Variants in LCTL observed in about 807,000 individuals in gnomAD.
LCTL encodes the protein lactase like.
In LCTL, 76 loss-of-function variants were observed where a neutral mutation model predicts 75.8. That is an observed-to-expected ratio of 1.00 (90% CI 0.83 to 1.21). LCTL has a LOEUF of 1.21. Ranked by LOEUF, LCTL falls within the 50% of genes most tolerant of loss-of-function variation. The pLI is 0.00. For synonymous variants in LCTL, 271 were observed against 268.8 expected (o/e 1.01, Z -0.08); for missense variants, 670 against 712.4 (o/e 0.94, Z 0.68).
At position 66,565,259 on chromosome 15, in the gene LCTL, G is replaced by T. The variant is rs759158270; in HGVS notation, c.107C>A (p.Thr36Asn). 3.1e-6 allele frequency: 5 copies of T among 1,609,228 alleles called. No individual in the cohort carries two copies. The highest frequency in any genetic ancestry group is 2.7e-5 in the African/African-American group (2 of 74,838). The stretch of plus-strand genomic sequence containing the variant: ...AGGCGTGGCCGTACCAAGAGGGAAG[G>T]TTCCATAGTAGAAGGAGGCCTCTTC... The change falls in exon 1 of 13, where the codon ACC (threonine) becomes AAC (asparagine). Residue 36 changes from threonine to asparagine, a missense_variant. Physicochemically the swap from Thr to Asn is moderately conservative, Grantham distance 65 (BLOSUM62 0). Transcript: ENST00000341509.
intron 8 of LCTL, among the ~76,000 whole-genome samples, chr15:66,553,550 T>C (rs1895665827): frequency 6.8e-6 from 1 of 147,268 alleles, no homozygotes; most frequent in Non-Finnish European, 1.5e-5. Flanking sequence ...GGTCAGGAGA[T>C]CGAGACCATC....
At chr15:66,547,817 TTCTC>T (rs1239113186) in exon 13 of LCTL, 1 of 152,136 alleles carries the variant, frequency 6.6e-6, no homozygotes, top group Non-Finnish European at 1.5e-5. Flanking sequence ...AACGGAGTCT[TTCTC>T]TGTTGCACAG....
intron 11 of LCTL, among the ~76,000 whole-genome samples, chr15:66,551,161 A>T (rs1171829688): frequency 6.6e-6 from 1 of 151,806 alleles, no homozygotes. Flanking sequence ...ATTCTGGGCA[A>T]TATGGTGAAA....
Position 66,558,522 on chromosome 15 carries a change from G to A in LCTL, c.706-486C>T, listed in dbSNP as rs948141815. ...GGTCAACACCTAAGAGAGATGGAAAGTAATCTAGAACAGTGATTATCGGTG... is the reference window on the plus strand; with the variant it reads ...GGTCAACACCTAAGAGAGATGGAAAATAATCTAGAACAGTGATTATCGGTG... On this transcript the variant is annotated intron_variant, in intron 6 of 12. Coordinates refer to ENST00000341509, the Ensembl canonical transcript of LCTL. 5.5e-4 allele frequency among the ~76,000 whole-genome samples: 83 copies of A among 152,258 alleles called. 1 individual carries two copies. The highest frequency in any genetic ancestry group is 1.0e-4 in the Non-Finnish European group (7 of 68,030).
chr15:66,564,912 CT>C, intron 1 of LCTL, 73 bp from the exon 3 acceptor site: 1 of 1,447,370 alleles, frequency 6.9e-7, no homozygotes, highest in South Asian at 1.3e-5. Context: ...TGGGCTGTGC[CT>C]CCCAGGCCTC....
chr15:66,552,848 A>G (rs991290566), intron 9 of LCTL, 136 bp downstream of exon 10: 8 of 739,938 alleles, frequency 1.1e-5, no homozygotes, highest in Non-Finnish European at 1.4e-5. Context: ...TAAGGCCTAC[A>G]TTTAGTAGCC....
chr15:66,554,287 T>G (rs1895690505), intron 8 of LCTL, among the ~76,000 whole-genome samples: 1 of 77,672 alleles, frequency 1.3e-5, no homozygotes, highest in Non-Finnish European at 2.3e-5. Context: ...CAAGACTGTC[T>G]CAAAAAAAAA....
intron 8 of LCTL, among the ~76,000 whole-genome samples, chr15:66,556,250 AGT>A (rs1895735801): frequency 6.6e-6 from 1 of 152,212 alleles, no homozygotes; most frequent in African/African-American, 2.4e-5. Context: ...AAGCAACCTA[AGT>A]GTCTATTGAT....
intron 6 of LCTL, among the ~76,000 whole-genome samples, chr15:66,560,197 T>C (rs1895852487): frequency 6.6e-6 from 1 of 152,158 alleles, no homozygotes; most frequent in African/African-American, 2.4e-5. Context: ...AGTTTGGGGA[T>C]CTGGAATGTC....
intron 6 of LCTL, among the ~76,000 whole-genome samples, chr15:66,559,656 C>T (rs1342901280): frequency 2.6e-5 from 4 of 152,084 alleles, no homozygotes; most frequent in Admixed American, 6.5e-5. Context: ...TGCAGTGAGC[C>T]GAGATCGTGC....
At chr15:66,563,647 A>G (rs764549184) in intron 3 of LCTL, 22 bp from the exon 5 acceptor site, 1 of 1,544,650 alleles carries the variant, frequency 6.5e-7, no homozygotes, top group African/African-American at 1.4e-5. Flanking sequence ...ATAAAAGAAG[A>G]TGCTACCAGA....
Position 66,551,714 on chromosome 15 carries a change from ACTGAAGC to A in LCTL, c.1465_1471del (p.Ala489PhefsTer43). The A allele has an allele frequency of 6.2e-7, 1 of 1,614,104 alleles. No individual in the cohort carries two copies. Among genetic ancestry groups the A allele is most frequent in the Non-Finnish European group, 8.5e-7 (1 of 1,180,006 alleles). ...AATGATAATCTTCTTGTAATATTGAACTGAAGCCTTTGGATAGCGAGGCTTATTTCTG... is the reference window on the plus strand; with the variant it reads ...AATGATAATCTTCTTGTAATATTGAACTTTGGATAGCGAGGCTTATTTCTG... On this transcript the variant is annotated frameshift_variant, in exon 11 of 13. Transcript: ENST00000341509. LOFTEE classifies it high-confidence loss of function.
chr15:66,563,477 G>C, intron 4 of LCTL, 39 bp downstream of exon 5: 1 of 1,455,716 alleles, frequency 6.9e-7, no homozygotes, highest in Non-Finnish European at 9.6e-7. Context: ...CTGCTTAGTT[G>C]AGTCCCCTTT....
At chr15:66,551,487 C>T (rs147734587) in intron 11 of LCTL, among the ~76,000 whole-genome samples, 175 bp downstream of exon 12, 112 of 151,392 alleles carry the variant, frequency 7.4e-4, no homozygotes, top group Middle Eastern at 3.4e-3. Context: ...TTGAAGTTTA[C>T]ATCATGCTTG....
intron 1 of LCTL, 113 bp downstream of exon 2, chr15:66,565,135 G>A: frequency 1.3e-6 from 1 of 785,128 alleles, no homozygotes; most frequent in Non-Finnish European, 2.2e-6. Flanking sequence ...CACAAAGGTA[G>A]GTTTCTCATC....
chr15:66,555,056 A>G (rs1895708900), intron 8 of LCTL, among the ~76,000 whole-genome samples: 1 of 152,202 alleles, frequency 6.6e-6, no homozygotes, highest in African/African-American at 2.4e-5. Context: ...AAATATAACC[A>G]TAAGAATAGT....
chr15:66,560,751 G>A (rs1177389336), intron 6 of LCTL, among the ~76,000 whole-genome samples: 1 of 152,192 alleles, frequency 6.6e-6, no homozygotes. Context: ...TGGACCTGTA[G>A]TTGACGCATT....
At chr15:66,559,932 C>A (rs1279241785) in intron 6 of LCTL, among the ~76,000 whole-genome samples, 3 of 151,414 alleles carry the variant, frequency 2.0e-5, no homozygotes, top group African/African-American at 7.3e-5. Context: ...ATCAAAAATG[C>A]AAAAATTAGC....
chr15:66,559,872 A>C (rs1434031669), intron 6 of LCTL, among the ~76,000 whole-genome samples: 6 of 151,976 alleles, frequency 3.9e-5, no homozygotes, highest in Admixed American at 2.0e-4. Context: ...GAATCACCTG[A>C]AGTCAGGAGT....
Sources: gnomAD v4.1 joint callset for allele counts (sites outside exome capture counted in the v4.1 genomes callset) on GRCh38, gnomAD v4.1.1 for gene constraint, MANE v1.5 for transcripts, NCBI Gene and HGNC (gene_info 2026-07-23, HGNC 2026-07-21) for gene names.